The following SAFB2 variants were observed in gnomAD, a reference collection of about 807,000 sequenced individuals.
SAFB2 encodes scaffold attachment factor B2.
In SAFB2, 32 loss-of-function variants were observed where a neutral mutation model predicts 100.6. That is an observed-to-expected ratio of 0.32 (90% CI 0.24 to 0.43). SAFB2 has a LOEUF of 0.43. Among genes scored for constraint, SAFB2 ranks in the 20% least tolerant of loss-of-function variants. The probability of loss-of-function intolerance (pLI) is 1.00; values close to 1 mark genes in which losing one functional copy is unlikely to be tolerated. For missense variants in SAFB2, 1,185 were observed against 1,163.4 expected (o/e 1.02, Z -0.27); for synonymous variants, 500 against 439.4 (o/e 1.14, Z -1.72).
Position 5,604,854 on chromosome 19 carries a change from T to A in SAFB2, c.1379A>T (p.Glu460Val). 1.2e-6 allele frequency: 2 copies of A among 1,614,156 alleles called. No individual in the cohort carries two copies. The highest frequency in any genetic ancestry group is 1.7e-6 in the Non-Finnish European group (2 of 1,180,028). ...YGFVTMSTSD[E>V]ATKCISHLHR... ...GAGATGGCTGATGCACTTGGTCGCC[T>A]CGTCAGATGTCGACATGGTGACGAA... Residue 460 changes from glutamate (E) to valine (V), a missense_variant, in exon 10 of 21, where the codon GAG becomes GTG. By Grantham distance (121) the Glu-to-Val change is moderately radical. Transcript: ENST00000252542.
rs199625509 is a variant in SAFB2 at position 5,608,544 on chromosome 19, C to T, written c.1296+1451G>A. Reference sequence around the variant, plus strand: ...CAGCACGCTTTCTCCGGGTCCTGTCCGCTTCTTAAGCAATGAAACATTAAC... The same window carrying T: ...CAGCACGCTTTCTCCGGGTCCTGTCTGCTTCTTAAGCAATGAAACATTAAC... On this transcript the variant is annotated intron_variant, in intron 9 of 20. Coordinates refer to ENST00000252542, the MANE Select transcript of SAFB2 (RefSeq NM_014649.3). Among the ~76,000 whole-genome samples the T allele has an allele frequency of 1.1e-4, 17 of 152,312 alleles. No individual in the cohort carries two copies. In the East Asian group the frequency reaches 3.3e-3, roughly 29 times the overall value.
At chr19:5,614,745 A>G (rs540768209) in intron 4 of SAFB2, among the ~76,000 whole-genome samples, 1 of 152,372 alleles carries the variant, frequency 6.6e-6, no homozygotes, top group South Asian at 2.1e-4. Flanking sequence ...CAGCCTCACC[A>G]GAGAGCTCTA....
At position 5,587,433 on chromosome 19, in the gene SAFB2, G is replaced by A. The variant is rs1425818475; in HGVS notation, c.2706-34C>T. The A allele has an allele frequency of 6.3e-7, 1 of 1,579,464 alleles. No homozygotes were observed. The highest frequency in any genetic ancestry group is 1.1e-5 in the South Asian group (1 of 87,116). On this transcript the variant is annotated intron_variant, in intron 20 of 20. Coordinates refer to ENST00000252542, the MANE Select transcript of SAFB2 (RefSeq NM_014649.3). The surrounding 1 kb of genome is among the most constrained non-coding windows in gnomAD (Gnocchi z 4.9). ...AAAGTCAGACAATTTTTTTCCCCTTGAAGTGCTCAGCGTTTTCATCGTAAC... is the reference window on the plus strand; with the variant it reads ...AAAGTCAGACAATTTTTTTCCCCTTAAAGTGCTCAGCGTTTTCATCGTAAC...
intron 2 of SAFB2, among the ~76,000 whole-genome samples, chr19:5,620,162 T>C (rs1321218078): frequency 6.6e-6 from 1 of 152,176 alleles, no homozygotes; most frequent in South Asian, 2.1e-4. Flanking sequence ...AAATTAAACT[T>C]TAACTTAAAG....
rs574632812 is a variant in SAFB2, at chr19:5,590,596, G to A, written c.2395-188C>T. On this transcript the variant is annotated intron_variant, in intron 17 of 20. Transcript: ENST00000252542. Reference sequence around the variant, plus strand: ...CCTCTGCTCCCTGGCTCCCCTCCTCGCACCCCTACAGCTGCATCACTGCCC... The same window carrying A: ...CCTCTGCTCCCTGGCTCCCCTCCTCACACCCCTACAGCTGCATCACTGCCC... Among the ~76,000 whole-genome samples, 145 of 152,054 alleles carry A rather than the reference G, an allele frequency of 9.5e-4. 1 individual carries two copies. The highest frequency in any genetic ancestry group is 3.1e-3 in the Admixed American group (48 of 15,298).
At chr19:5,591,838 A>G (rs759387808) in intron 16 of SAFB2, 45 bp from the exon 17 acceptor site, 9 of 1,604,754 alleles carry the variant, frequency 5.6e-6, no homozygotes, top group Middle Eastern at 3.3e-4. Context: ...AGGCACGACT[A>G]CACATTTCTG....
intron 15 of SAFB2, 145 bp from the exon 16 acceptor site, chr19:5,593,032 C>T (rs897908854): frequency 9.6e-6 from 7 of 728,506 alleles, no homozygotes; most frequent in Non-Finnish European, 9.0e-6. Flanking sequence ...TCTAAACATT[C>T]GATCATCATT....
At chr19:5,602,907 C>CCCCCCCCA (rs1568217640) in intron 11 of SAFB2, among the ~76,000 whole-genome samples, 2 of 142,608 alleles carry the variant, frequency 1.4e-5, no homozygotes, top group Non-Finnish European at 3.1e-5. Context: ...GAGGGCTCAC[C>CCCCCCCCA]GCCCCCCCCA....
At chr19:5,588,279 A>G (rs1245025810) in intron 18 of SAFB2, among the ~76,000 whole-genome samples, 1 of 152,106 alleles carries the variant, frequency 6.6e-6, no homozygotes, top group Non-Finnish European at 1.5e-5. Context: ...GTGCGAGGAA[A>G]GGGAAGAACC....
At chr19:5,611,983 G>GA in intron 6 of SAFB2, 3 of 412,310 alleles carry the variant, frequency 7.3e-6, no homozygotes, top group South Asian at 6.8e-5. Context: ...ACCATTCAAT[G>GA]ACAGCTCAAC....
chr19:5,600,377 A>T lies in SAFB2; in HGVS notation c.1560-117T>A. ...TCCACACAAAACAAATCACCCCGGC[A>T]GCAATTAGGTGGGAAAAATTATTTG... On this transcript the variant is annotated intron_variant, in intron 11 of 20. Transcript: ENST00000252542. 4 of 1,380,920 alleles carry T rather than the reference A, an allele frequency of 2.9e-6. No homozygotes were observed. In the South Asian group the frequency reaches 5.8e-5, roughly 20 times the overall value. 85.5% of individuals were successfully genotyped at this position (1,380,920 alleles called of 1,614,324 possible). A position where few individuals can be genotyped will look rare whatever the true frequency, so the allele number is the denominator to read the frequency against.
intron 17 of SAFB2, among the ~76,000 whole-genome samples, chr19:5,590,662 T>C (rs898400380): frequency 3.9e-5 from 6 of 152,176 alleles, no homozygotes; most frequent in African/African-American, 1.4e-4. Flanking sequence ...CTGGCATTAC[T>C]GCCCTCAACA....
intron 4 of SAFB2, among the ~76,000 whole-genome samples, chr19:5,615,080 C>T (rs2052994652): frequency 1.3e-5 from 2 of 152,124 alleles, no homozygotes; most frequent in Non-Finnish European, 2.9e-5. Context: ...AGTGGCTGGG[C>T]GCAGTGGCTC....
rs775934218 is a variant in SAFB2 at position 5,616,258 on chromosome 19, C to T, written c.417G>A (p.Val139=). ...MDMSVLDETE[V]ANSSAPDFGE... ...CAAAATCTGGAGCACTGCTATTCGC[C>T]ACTTCAGTTTCGTCTAGCACACTCA... The change falls in exon 4 of 21, where the codon GTG becomes GTA. Residue 139 remains valine, a synonymous_variant. Coordinates refer to ENST00000252542, the MANE Select transcript of SAFB2 (RefSeq NM_014649.3). The T allele has an allele frequency of 1.7e-5, 28 of 1,614,084 alleles. No individual in the cohort carries two copies. Among genetic ancestry groups the T allele is most frequent in the Non-Finnish European group, 2.3e-5 (27 of 1,180,042 alleles).
intron 15 of SAFB2, among the ~76,000 whole-genome samples, chr19:5,593,333 G>C (rs552923808): frequency 7.2e-5 from 11 of 152,326 alleles, no homozygotes; most frequent in Admixed American, 5.9e-4. Context: ...ACACAGCTCT[G>C]GACGGCATCC....
chr19:5,592,546 G>A (rs538354733), intron 16 of SAFB2, among the ~76,000 whole-genome samples: 154 of 152,332 alleles, frequency 1.0e-3, no homozygotes, highest in African/African-American at 3.5e-3. Flanking sequence ...TGAGCTCTGA[G>A]ATGCCTTCCT....
At chr19:5,595,973 G>C (rs764583567) in intron 13 of SAFB2, among the ~76,000 whole-genome samples, 1 of 152,190 alleles carries the variant, frequency 6.6e-6, no homozygotes, top group African/African-American at 2.4e-5. Context: ...GCTCTAAATA[G>C]AATATGCCAG....
At chr19:5,601,856 T>C (rs1298304780) in intron 11 of SAFB2, among the ~76,000 whole-genome samples, 2 of 152,216 alleles carry the variant, frequency 1.3e-5, no homozygotes, top group Non-Finnish European at 2.9e-5. Flanking sequence ...TTCCAGTAGA[T>C]AAATATATAT....
chr19:5,609,960 T>A (rs1335270849), intron 9 of SAFB2, 35 bp downstream of exon 9: 2 of 1,568,016 alleles, frequency 1.3e-6, no homozygotes, highest in African/African-American at 2.7e-5. Flanking sequence ...TAACTCTGAA[T>A]CACAGTGGAT....
Sources: gnomAD v4.1 joint callset for allele counts (sites outside exome capture counted in the v4.1 genomes callset) on GRCh38, gnomAD v4.1.1 for gene constraint, Gnocchi (gnomAD v3.1) non-coding constraint, MANE v1.5 for transcripts, NCBI Gene and HGNC (gene_info 2026-07-23, HGNC 2026-07-21) for gene names.